Variants in HPS5 observed in about 807,000 individuals in gnomAD.
HPS5 encodes the protein HPS5 biogenesis of lysosomal organelles complex 2 subunit 2, also known as BLOC-2 complex member HPS5.
HPS5 carries 83 observed loss-of-function variants against 128.0 expected under a neutral mutation model. The ratio of observed to expected loss-of-function variants is 0.65; its 90% CI spans 0.54 to 0.78. HPS5 has a LOEUF of 0.78. HPS5 is among the 30% of genes least tolerant of loss of function. The pLI is 0.00. For synonymous variants in HPS5, 475 were observed against 470.2 expected (o/e 1.01, Z -0.13); for missense variants, 1,281 against 1,326.2 (o/e 0.97, Z 0.53).
At chr11:18,300,316 TA>T (rs956590767) in intron 9 of HPS5, among the ~76,000 whole-genome samples, 1 of 152,116 alleles carries the variant, frequency 6.6e-6, no homozygotes, top group Non-Finnish European at 1.5e-5. Context: ...AAAAAATAAA[TA>T]GCTGAATGCA....
chr11:18,309,805 A>T (rs1157296715), intron 5 of HPS5, among the ~76,000 whole-genome samples: 1 of 152,214 alleles, frequency 6.6e-6, no homozygotes, highest in Non-Finnish European at 1.5e-5. Flanking sequence ...GTCCGAGACC[A>T]GCCTGGGCAA....
At chr11:18,287,176 A>C (rs992450125) in intron 18 of HPS5, among the ~76,000 whole-genome samples, 1 of 152,208 alleles carries the variant, frequency 6.6e-6, no homozygotes, top group African/African-American at 2.4e-5. Context: ...ATCAGACATC[A>C]GCCTAAAAAG....
At chr11:18,317,997 G>A (rs566764822) in intron 1 of HPS5, 90 bp from the exon 2 acceptor site, 9 of 947,628 alleles carry the variant, frequency 9.5e-6, no homozygotes, top group Non-Finnish European at 1.3e-5. Flanking sequence ...AGAGAAACAT[G>A]AGAAAGTCCC....
At chr11:18,302,479 A>G (rs1861812195) in intron 8 of HPS5, among the ~76,000 whole-genome samples, 1 of 152,104 alleles carries the variant, frequency 6.6e-6, no homozygotes, top group Non-Finnish European at 1.5e-5. Flanking sequence ...GCACTTAATC[A>G]TCTACTGCAC....
chr11:18,288,878 A>G (rs1244565919), intron 16 of HPS5, among the ~76,000 whole-genome samples: 5 of 149,922 alleles, frequency 3.3e-5, no homozygotes, highest in African/African-American at 9.9e-5. Context: ...GGGTGTGTGC[A>G]TGTGTGTGTG....
chr11:18,301,385 G>A lies in HPS5; in HGVS notation c.897-469C>T, dbSNP rs574080407. Reference sequence around the variant, plus strand: ...GCAGGAGAATCACTTACAGGGAGGCGGAGGTTGCAGTGAGCCAAGATTGTG... The same window carrying A: ...GCAGGAGAATCACTTACAGGGAGGCAGAGGTTGCAGTGAGCCAAGATTGTG... On this transcript the variant is annotated intron_variant, in intron 8 of 22. Transcript: ENST00000349215. 1.5e-4 allele frequency among the ~76,000 whole-genome samples: 23 copies of A among 150,694 alleles called. No homozygotes were observed. In the East Asian group the frequency reaches 1.9e-3, roughly 13 times the overall value.
intron 14 of HPS5, among the ~76,000 whole-genome samples, chr11:18,294,291 G>T (rs1325955221): frequency 2.0e-5 from 3 of 152,056 alleles, no homozygotes; most frequent in Non-Finnish European, 4.4e-5. Context: ...CTTTATTAGA[G>T]AATAAAGTAT....
intron 1 of HPS5, among the ~76,000 whole-genome samples, chr11:18,320,364 A>G (rs190073549): frequency 3.3e-5 from 5 of 152,264 alleles, no homozygotes; most frequent in African/African-American, 9.6e-5. Flanking sequence ...ATGTCCACCT[A>G]ATTCAGAAAT....
intron 14 of HPS5, among the ~76,000 whole-genome samples, chr11:18,294,166 C>T (rs141155417): frequency 6.6e-6 from 1 of 152,176 alleles, no homozygotes; most frequent in Non-Finnish European, 1.5e-5. Flanking sequence ...ACACAAGGAC[C>T]AGGCCACCAG....
In HPS5 at chr11:18,298,886, A is replaced by G. The variant is rs776517218; in HGVS notation, c.1070T>C (p.Val357Ala). 6.2e-7 allele frequency: 1 copy of G among 1,614,172 alleles called. No individual in the cohort carries two copies. The highest frequency in any genetic ancestry group is 8.5e-7 in the Non-Finnish European group (1 of 1,179,982). ...GKVSHLSLIS[V>A]ERCVERLLRR... is the part of the protein sequence containing the mutation. The stretch of plus-strand genomic sequence containing the variant: ...TAGCAGGCGTTCCACACAGCGCTCC[A>G]CAGATATCAGGGAGAGATGTGAGAC... The change falls in exon 10 of 23, where the codon GTG (valine) becomes GCG (alanine). Residue 357 changes from valine to alanine, a missense_variant. Val to Ala is a moderately conservative substitution (Grantham distance 64). Transcript: ENST00000349215.
intron 14 of HPS5, among the ~76,000 whole-genome samples, chr11:18,293,336 TTTTG>T (rs1258121837): frequency 6.6e-6 from 1 of 152,074 alleles, no homozygotes; most frequent in Non-Finnish European, 1.5e-5. Flanking sequence ...GCCTGGCTAA[TTTTG>T]TTTTTGTATT....
rs11376847 is a variant in HPS5 at position 18,311,511 on chromosome 11, A to ATTT, written c.220-63_220-61dup. On this transcript the variant is annotated intron_variant, in intron 3 of 22. Transcript: ENST00000349215. ...CAAGTTTTACATTATTATTATTATTATTTTTTTTTTTTTTTTTGAGACTGA... is the reference window on the plus strand; with the variant it reads ...CAAGTTTTACATTATTATTATTATTATTTTTTTTTTTTTTTTTTTTGAGACTGA... 0.13 allele frequency: 69,592 copies of ATTT among 522,516 alleles called. 4,175 individuals carry two copies. Among genetic ancestry groups the ATTT allele is most frequent in the East Asian group, 0.28 (5,083 of 18,268 alleles). The allele number at this position is 522,516 out of a possible 1,614,324, so 32.4% of individuals were successfully genotyped here.
At chr11:18,305,176 G>A (rs560176071) in intron 8 of HPS5, among the ~76,000 whole-genome samples, 1 of 152,174 alleles carries the variant, frequency 6.6e-6, no homozygotes, top group Non-Finnish European at 1.5e-5. Context: ...AGCTATCTTA[G>A]CTCCAATTGT....
In HPS5 at chr11:18,291,827, A is replaced by G; in HGVS notation, c.2055T>C (p.Asp685=). The G allele has an allele frequency of 6.2e-7, 1 of 1,612,308 alleles. No homozygotes were observed. ...CCCTTTTTTCTTTTTCATTATCTTC[A>G]TCTAATATTCCCTTTTTTGATTCAT... ...LVNESKKGIL[D]EDNEKEKRDS... Residue 685 remains aspartate (D), a synonymous_variant, in exon 16 of 23, where the codon GAT becomes GAC. Coordinates refer to ENST00000349215, the MANE Select transcript of HPS5 (RefSeq NM_181507.2).
Position 18,286,675 on chromosome 11 carries a change from G to A in HPS5, c.2753C>T (p.Ser918Phe). 3.1e-6 allele frequency: 5 copies of A among 1,614,088 alleles called. No individual in the cohort carries two copies. Among genetic ancestry groups the A allele is most frequent in the Non-Finnish European group, 4.2e-6 (5 of 1,179,978 alleles). The change falls in exon 19 of 23, where the codon TCT becomes TTT. Residue 918 changes from serine (S) to phenylalanine (F), a missense_variant. Coordinates refer to ENST00000349215, the MANE Select transcript of HPS5 (RefSeq NM_181507.2). ...SFLESLLQPE[S>F]LRLDWLLLAV... ...CAAAAGCAGCCAATCCAACCTTAAA[G>A]ACTCTGGTTGCAGAAGGGACTCAAG... is the stretch of plus-strand genomic sequence containing the variant.
chr11:18,289,428 C>T (rs191546044), intron 16 of HPS5, among the ~76,000 whole-genome samples: 4 of 152,296 alleles, frequency 2.6e-5, no homozygotes, highest in Admixed American at 1.3e-4. Context: ...CTGATGGAGA[C>T]TCTTTTCTGC....
chr11:18,287,745 T>C (rs1859917103), intron 17 of HPS5, 55 bp from the exon 18 acceptor site: 16 of 1,602,630 alleles, frequency 1.0e-5, no homozygotes, highest in Non-Finnish European at 1.4e-5. Flanking sequence ...TTATATAACT[T>C]GGTTACATTT....
intron 8 of HPS5, among the ~76,000 whole-genome samples, chr11:18,304,216 CTT>C (rs778919142): frequency 1.5e-4 from 20 of 135,472 alleles, no homozygotes; most frequent in East Asian, 2.1e-4. Flanking sequence ...CTATAATTCA[CTT>C]TTTTTTTTTT....
intron 19 of HPS5, 123 bp downstream of exon 19, chr11:18,286,468 G>A: frequency 3.2e-6 from 3 of 932,142 alleles, no homozygotes; most frequent in Non-Finnish European, 4.9e-6. Flanking sequence ...CCTGAGCCTA[G>A]GAGGTCAAGG....
Sources: gnomAD v4.1 joint callset for allele counts (sites outside exome capture counted in the v4.1 genomes callset) on GRCh38, gnomAD v4.1.1 for gene constraint, MANE v1.5 for transcripts, NCBI Gene and HGNC (gene_info 2026-07-23, HGNC 2026-07-21) for gene names.